PHAX: variants seen among roughly 807,000 people sequenced by gnomAD.
The protein encoded by PHAX is phosphorylated adaptor for RNA export.
In PHAX, 31 loss-of-function variants were observed where a neutral mutation model predicts 41.6. The observed-to-expected ratio is 0.75, with a 90% confidence interval of 0.56 to 1.01. The LOEUF (loss-of-function observed/expected upper bound fraction) is 1.01. Ranked by LOEUF, PHAX falls within the 50% of genes least tolerant of loss-of-function variation. The pLI is 0.00. For missense variants in PHAX, 453 were observed against 472.9 expected (o/e 0.96, Z 0.39); for synonymous variants, 175 against 164.9 (o/e 1.06, Z -0.47).
chr5:126,606,606 T>C (rs1561679301), intron 2 of PHAX, among the ~76,000 whole-genome samples: 1 of 152,256 alleles, frequency 6.6e-6, no homozygotes, highest in Non-Finnish European at 1.5e-5. Context: ...AATGCTGTTA[T>C]GAACCTTCAC....
chr5:126,609,082 A>G (rs1339325023), intron 3 of PHAX, among the ~76,000 whole-genome samples: 1 of 144,500 alleles, frequency 6.9e-6, no homozygotes, highest in East Asian at 2.0e-4. Context: ...GATTTGTTAA[A>G]GGTAGGGGTT....
In PHAX at chr5:126,604,544, C is replaced by T. The variant is rs1363758949; in HGVS notation, c.710+361C>T. Among the ~76,000 whole-genome samples the T allele has an allele frequency of 2.0e-5, 3 of 151,906 alleles. No homozygotes were observed. The South Asian group carries it at 6.2e-4, about 32-fold the overall frequency. On this transcript the variant is annotated intron_variant, in intron 2 of 4. Coordinates refer to ENST00000297540, the MANE Select transcript of PHAX (RefSeq NM_032177.4). ...CCTCTCAAAGTGCTGAGATTACAGGCGTGAGCCATGGGCTGGCCTAATCTA... is the reference window on the plus strand; with the variant it reads ...CCTCTCAAAGTGCTGAGATTACAGGTGTGAGCCATGGGCTGGCCTAATCTA...
rs1355418972 is a variant in PHAX at position 126,625,549 on chromosome 5, A to C, written c.*705A>C. The C allele has an allele frequency of 6.6e-6, 1 of 151,100 alleles. No homozygotes were observed. Among genetic ancestry groups the C allele is most frequent in the Non-Finnish European group, 1.5e-5 (1 of 68,064 alleles). The allele number at this position is 151,100 out of a possible 1,614,324, so 9.4% of individuals were successfully genotyped here. A position where few individuals can be genotyped will look rare whatever the true frequency, so the allele number is the denominator to read the frequency against. On this transcript the variant is annotated 3_prime_UTR_variant, in exon 5 of 5. Coordinates refer to ENST00000297540, the MANE Select transcript of PHAX (RefSeq NM_032177.4). ...GAGGCAAAGGTTGCAGTGAGCTGAGATCGTACCACTGTACTCCAGCCTGGG... is the reference window on the plus strand; with the variant it reads ...GAGGCAAAGGTTGCAGTGAGCTGAGCTCGTACCACTGTACTCCAGCCTGGG...
In PHAX at chr5:126,603,542, AATTG is replaced by A. The variant is rs772082921; in HGVS notation, c.97-23_97-20del. The A allele has an allele frequency of 3.7e-5, 58 of 1,570,990 alleles. No homozygotes were observed. In the East Asian group the frequency reaches 9.0e-4, roughly 24 times the overall value. ...TAGGTGGAGTTTATGTGTTTTGTGA[AATTG>A]ATTGTGTTTCTTTTCACTTGCAGAA... On this transcript the variant is annotated intron_variant, in intron 1 of 4. Coordinates refer to ENST00000297540, the MANE Select transcript of PHAX (RefSeq NM_032177.4).
chr5:126,627,223 A>AAAT lies in PHAX; in HGVS notation c.*2382_*2384dup, dbSNP rs1302411833. 6.6e-6 allele frequency: 1 copy of AAAT among 152,212 alleles called. No individual in the cohort carries two copies. The highest frequency in any genetic ancestry group is 1.5e-5 in the Non-Finnish European group (1 of 68,042). 9.4% of individuals were successfully genotyped at this position (152,212 alleles called of 1,614,324 possible). On this transcript the variant is annotated 3_prime_UTR_variant, in exon 5 of 5. Coordinates refer to ENST00000297540, the MANE Select transcript of PHAX (RefSeq NM_032177.4). Reference sequence around the variant, plus strand: ...TGCTTTTTATTTATAAAGGATGCAAAAATAAAATTAGATTTTTGGCAGTCC... The same window carrying AAAT: ...TGCTTTTTATTTATAAAGGATGCAAAAATAATAAAATTAGATTTTTGGCAGTCC...
rs1752327300 is a variant in PHAX at position 126,625,020 on chromosome 5, A to G, written c.*176A>G. On this transcript the variant is annotated 3_prime_UTR_variant, in exon 5 of 5. Transcript: ENST00000297540. ...TGCAATTGATAGAACATTTAAAGAT[A>G]TATCTGACAAAATACTTAAGAGTAT... is the stretch of plus-strand genomic sequence containing the variant. 1 of 598,674 alleles carries G rather than the reference A, an allele frequency of 1.7e-6. No homozygotes were observed. Among genetic ancestry groups the G allele is most frequent in the Non-Finnish European group, 2.8e-6 (1 of 351,214 alleles). The allele number at this position is 598,674 out of a possible 1,614,324, so 37.1% of individuals were successfully genotyped here.
intron 2 of PHAX, among the ~76,000 whole-genome samples, chr5:126,605,880 A>G (rs752518904): frequency 5.9e-5 from 9 of 152,172 alleles, no homozygotes; most frequent in Non-Finnish European, 1.2e-4. Context: ...TTTGAGGTAT[A>G]TTTTACAGAT....
At chr5:126,612,475 G>A (rs769492111) in intron 3 of PHAX, among the ~76,000 whole-genome samples, 6 of 152,114 alleles carry the variant, frequency 3.9e-5, no homozygotes, top group East Asian at 1.9e-4. Context: ...CGAGGTGGGC[G>A]GATCACCTGA....
intron 4 of PHAX, 150 bp downstream of exon 4, chr5:126,617,483 A>AT (rs1392404718): frequency 1.2e-5 from 6 of 497,980 alleles, no homozygotes; most frequent in African/African-American, 7.9e-5. Flanking sequence ...CCTTTTATTT[A>AT]TTTATTTATT....
Position 126,603,848 on chromosome 5 carries a change from G to A in PHAX, c.375G>A (p.Gln125=), listed in dbSNP as rs1179534936. Residue 125 remains glutamine, a synonymous_variant, in exon 2 of 5, where the codon CAG becomes CAA. Coordinates refer to ENST00000297540, the MANE Select transcript of PHAX (RefSeq NM_032177.4). ...TATGGGGTGCTGTGCTGCAGGAACA[G>A]AATCAAGATGCAGTGGCCACTGAAC... ...NNIWGAVLQE[Q]NQDAVATELG... is the part of the protein sequence containing the mutation. The A allele has an allele frequency of 1.2e-6, 2 of 1,613,994 alleles. No homozygotes were observed. Among genetic ancestry groups the A allele is most frequent in the African/African-American group, 2.7e-5 (2 of 74,916 alleles).
At chr5:126,602,233 C>T (rs1751915432) in intron 1 of PHAX, among the ~76,000 whole-genome samples, 1 of 152,268 alleles carries the variant, frequency 6.6e-6, no homozygotes, top group South Asian at 2.1e-4. Flanking sequence ...AGGCGCGAGC[C>T]ACCGCGCCCG....
At chr5:126,606,431 C>G (rs1751988223) in intron 2 of PHAX, among the ~76,000 whole-genome samples, 1 of 151,986 alleles carries the variant, frequency 6.6e-6, no homozygotes, top group African/African-American at 2.4e-5. Flanking sequence ...TCCAGACCAC[C>G]TCAGCCTCCC....
In PHAX at chr5:126,624,898, A is replaced by G. The variant is rs1166391079; in HGVS notation, c.*54A>G. On this transcript the variant is annotated 3_prime_UTR_variant, in exon 5 of 5. Transcript: ENST00000297540. ...CCTTTCTAAAATAACATTGTAATAA[A>G]CCATTTTTACTGAGATTGCAACGTT... The G allele has an allele frequency of 1.7e-5, 25 of 1,487,410 alleles. No individual in the cohort carries two copies. Among genetic ancestry groups the G allele is most frequent in the Non-Finnish European group, 2.1e-5 (23 of 1,102,178 alleles). 92.1% of individuals were successfully genotyped at this position (1,487,410 alleles called of 1,614,324 possible). A position where few individuals can be genotyped will look rare whatever the true frequency, so the allele number is the denominator to read the frequency against.
chr5:126,615,310 T>C (rs1752166753), intron 3 of PHAX, among the ~76,000 whole-genome samples: 1 of 152,134 alleles, frequency 6.6e-6, no homozygotes, highest in Non-Finnish European at 1.5e-5. Flanking sequence ...GTAAAAGTTA[T>C]TCATAACCTC....
chr5:126,610,913 C>T (rs1240034067), intron 3 of PHAX, among the ~76,000 whole-genome samples: 1 of 152,030 alleles, frequency 6.6e-6, no homozygotes, highest in Non-Finnish European at 1.5e-5. Context: ...TACCATGTTG[C>T]CCAGGCTGGT....
chr5:126,608,475 C>G lies in PHAX; in HGVS notation c.822C>G (p.Leu274=), dbSNP rs1187250342. ...ETAEVEQNGG[L]FIMNGSRRRT... is the part of the protein sequence containing the mutation. ...CTGAAGTTGAACAAAATGGTGGTCTCTTTATAATGGTAAGACTGCTTAACT... is the reference window on the plus strand; with the variant it reads ...CTGAAGTTGAACAAAATGGTGGTCTGTTTATAATGGTAAGACTGCTTAACT... The change falls in exon 3 of 5, where the codon CTC becomes CTG. Residue 274 remains leucine, a synonymous_variant. Coordinates refer to ENST00000297540, the MANE Select transcript of PHAX (RefSeq NM_032177.4). 1.2e-6 allele frequency: 2 copies of G among 1,613,398 alleles called. No individual in the cohort carries two copies.
intron 4 of PHAX, among the ~76,000 whole-genome samples, chr5:126,619,714 T>C (rs181437907): frequency 2.3e-3 from 355 of 152,294 alleles, no homozygotes; most frequent in African/African-American, 8.3e-3. Flanking sequence ...GTAGACTCTT[T>C]AGTATTTTAA....
intron 4 of PHAX, among the ~76,000 whole-genome samples, chr5:126,618,117 C>A (rs1025789290): frequency 2.0e-5 from 3 of 151,444 alleles, no homozygotes; most frequent in African/African-American, 7.3e-5. Context: ...TTACACCCAG[C>A]TAATTTTTGT....
chr5:126,621,382 G>A (rs957194414), intron 4 of PHAX, among the ~76,000 whole-genome samples: 2 of 151,468 alleles, frequency 1.3e-5, no homozygotes, highest in East Asian at 1.9e-4. Context: ...GTAGAGACAG[G>A]GTCTTATATT....
Sources: gnomAD v4.1 joint callset for allele counts (sites outside exome capture counted in the v4.1 genomes callset) on GRCh38, gnomAD v4.1.1 for gene constraint, MANE v1.5 for transcripts, NCBI Gene and HGNC (gene_info 2026-07-23, HGNC 2026-07-21) for gene names.